Variants in PAPPA2 observed in about 807,000 individuals in gnomAD.
PAPPA2 encodes pappalysin 2.
In PAPPA2, 86 loss-of-function variants were observed where a neutral mutation model predicts 176.4. That is an observed-to-expected ratio of 0.49 (90% CI 0.41 to 0.58). PAPPA2 has a LOEUF of 0.58. Among genes scored for constraint, PAPPA2 ranks in the 20% least tolerant of loss-of-function variants. The pLI is 0.00. For missense variants in PAPPA2, 2,073 were observed against 2,256.9 expected, an observed-to-expected ratio of 0.92 and a Z score of 1.65; for synonymous variants, 809 against 852.2, an observed-to-expected ratio of 0.95 and a Z score of 0.88.
At chr1:176,549,993 T>C (rs1329149507) in intron 1 of PAPPA2, among the ~76,000 whole-genome samples, 1 of 152,248 alleles carries the variant, frequency 6.6e-6, no homozygotes, top group African/African-American at 2.4e-5. Context: ...TTGTGCTTTT[T>C]CTATTCAACT....
At chr1:176,673,175 C>A (rs1198805082) in intron 4 of PAPPA2, among the ~76,000 whole-genome samples, 3 of 152,056 alleles carry the variant, frequency 2.0e-5, no homozygotes, top group African/African-American at 7.2e-5. Context: ...ATACAGCTGA[C>A]AGAAAGGGGC....
chr1:176,697,632 A>G (rs1156791360), intron 7 of PAPPA2, among the ~76,000 whole-genome samples: 1 of 152,214 alleles, frequency 6.6e-6, no homozygotes, highest in Non-Finnish European at 1.5e-5. Flanking sequence ...TTCCCTGCTT[A>G]AACATCATCT....
chr1:176,620,689 CT>C (rs967208661), intron 3 of PAPPA2, among the ~76,000 whole-genome samples: 10 of 152,264 alleles, frequency 6.6e-5, no homozygotes, highest in African/African-American at 2.4e-4. Flanking sequence ...TTCCCAACCC[CT>C]ATGTTAATCT....
At chr1:176,538,535 G>A (rs946176437) in intron 1 of PAPPA2, among the ~76,000 whole-genome samples, 1 of 152,178 alleles carries the variant, frequency 6.6e-6, no homozygotes, top group Non-Finnish European at 1.5e-5. Context: ...AACCAAGTTA[G>A]ATTTTCCGCT....
In PAPPA2 at chr1:176,839,754, A is replaced by C. The variant is rs115008729; in HGVS notation, c.5203-419A>C. 2.7e-3 allele frequency among the ~76,000 whole-genome samples: 406 copies of C among 152,222 alleles called. 2 individuals carry two copies. Among genetic ancestry groups the C allele is most frequent in the African/African-American group, 9.6e-3 (397 of 41,534 alleles). ...GACCTGGGCAATTCTTATCATCTCTATGCATCCTCATTTCCAAAAAAGTGG... is the reference window on the plus strand; with the variant it reads ...GACCTGGGCAATTCTTATCATCTCTCTGCATCCTCATTTCCAAAAAAGTGG... On this transcript the variant is annotated intron_variant, in intron 21 of 22. Coordinates refer to ENST00000367662, the MANE Select transcript of PAPPA2 (RefSeq NM_020318.3).
chr1:176,611,973 C>A (rs181011356), intron 3 of PAPPA2, among the ~76,000 whole-genome samples: 12 of 152,290 alleles, frequency 7.9e-5, no homozygotes, highest in Non-Finnish European at 1.5e-4. Context: ...AGTATCCATT[C>A]ATCTGTTTAG....
intron 1 of PAPPA2, among the ~76,000 whole-genome samples, chr1:176,496,538 G>A (rs192048967): frequency 6.6e-6 from 1 of 152,058 alleles, no homozygotes; most frequent in Non-Finnish European, 1.5e-5. Flanking sequence ...TCAGCAACAG[G>A]CCTGTTTCTC....
At chr1:176,619,828 T>C (rs1655482243) in intron 3 of PAPPA2, among the ~76,000 whole-genome samples, 3 of 152,198 alleles carry the variant, frequency 2.0e-5, no homozygotes, top group Admixed American at 2.0e-4. Context: ...CTGCAGGAAA[T>C]TGAGTAAAGG....
At chr1:176,839,402 C>T (rs1457828407) in intron 21 of PAPPA2, among the ~76,000 whole-genome samples, 2 of 152,184 alleles carry the variant, frequency 1.3e-5, no homozygotes, top group African/African-American at 4.8e-5. Context: ...ACGCCTTTCC[C>T]ATTTTAGTTC....
intron 12 of PAPPA2, among the ~76,000 whole-genome samples, chr1:176,721,544 A>G (rs188344229): frequency 6.6e-6 from 1 of 152,206 alleles, no homozygotes; most frequent in Admixed American, 6.5e-5. Flanking sequence ...TCTTTGGTAC[A>G]AAATTCTAGG....
At chr1:176,557,490 T>G (rs1050728293) in intron 2 of PAPPA2, among the ~76,000 whole-genome samples, 1 of 152,194 alleles carries the variant, frequency 6.6e-6, no homozygotes, top group Admixed American at 6.5e-5. Context: ...TTGTATACAT[T>G]GTGCTTGCAC....
intron 3 of PAPPA2, among the ~76,000 whole-genome samples, chr1:176,630,233 G>C (rs1379248235): frequency 1.3e-5 from 2 of 152,184 alleles, no homozygotes; most frequent in Non-Finnish European, 2.9e-5. Flanking sequence ...GAAAGTGAAG[G>C]AAACTTACGT....
chr1:176,714,304 C>A (rs1014180897), intron 12 of PAPPA2, among the ~76,000 whole-genome samples: 1 of 151,990 alleles, frequency 6.6e-6, no homozygotes, highest in African/African-American at 2.4e-5. Context: ...AATGTTTAAG[C>A]CAGGATCAGA....
At chr1:176,726,378 A>C (rs1661876593) in intron 12 of PAPPA2, among the ~76,000 whole-genome samples, 1 of 152,142 alleles carries the variant, frequency 6.6e-6, no homozygotes, top group Non-Finnish European at 1.5e-5. Flanking sequence ...CTCGGGACAG[A>C]GGCCATGTGT....
At chr1:176,756,882 G>T (rs747415420) in intron 14 of PAPPA2, among the ~76,000 whole-genome samples, 3 of 152,036 alleles carry the variant, frequency 2.0e-5, no homozygotes, top group African/African-American at 7.2e-5. Context: ...AAAAGGCCCC[G>T]GTGTGTGATG....
chr1:176,819,551 T>C (rs957441197), intron 21 of PAPPA2, among the ~76,000 whole-genome samples: 9 of 152,200 alleles, frequency 5.9e-5, no homozygotes, highest in South Asian at 2.1e-4. Flanking sequence ...GCTTGACATA[T>C]ACAGTTCTTT....
rs140799082 is a variant in PAPPA2 at position 176,610,866 on chromosome 1, A to C, written c.1991+15271A>C. On this transcript the variant is annotated intron_variant, in intron 3 of 22. Transcript: ENST00000367662. The stretch of plus-strand genomic sequence containing the variant: ...TTCAGTTTATAATAAACATTTATTG[A>C]GTATCTACTACGATTTAGACACAGT... Among the ~76,000 whole-genome samples, 3 of 152,290 alleles carry C rather than the reference A, an allele frequency of 2.0e-5. No individual in the cohort carries two copies. In the East Asian group the frequency reaches 5.8e-4, roughly 29 times the overall value.
At chr1:176,587,679 G>T (rs897268194) in intron 2 of PAPPA2, among the ~76,000 whole-genome samples, 8 of 152,278 alleles carry the variant, frequency 5.3e-5, no homozygotes, top group Admixed American at 2.6e-4. Flanking sequence ...ATGCTGTGTT[G>T]GTTACTGTAG....
chr1:176,755,462 G>A (rs1242851140), intron 14 of PAPPA2, among the ~76,000 whole-genome samples: 1 of 152,296 alleles, frequency 6.6e-6, no homozygotes. Context: ...TCATCACGGG[G>A]CTGTATTGTT....
Sources: allele counts gnomAD v4.1 joint callset (sites outside exome capture counted in the v4.1 genomes callset), GRCh38; gene constraint gnomAD v4.1.1; transcripts MANE v1.5; gene names NCBI Gene and HGNC (gene_info 2026-07-23, HGNC 2026-07-21).